AIG1: variants seen among roughly 807,000 people sequenced by gnomAD.
The protein encoded by AIG1 is androgen-induced gene 1 protein.
AIG1 carries 23 observed loss-of-function variants against 31.4 expected under a neutral mutation model. The ratio of observed to expected loss-of-function variants is 0.73; its 90% CI spans 0.53 to 1.04. The LOEUF (loss-of-function observed/expected upper bound fraction) is 1.04. AIG1 is among the 50% of genes least tolerant of loss of function. The pLI, the probability that AIG1 is intolerant of heterozygous loss-of-function variation, is 0.00. For missense variants in AIG1, 274 were observed against 295.0 expected (o/e 0.93, Z 0.52); for synonymous variants, 100 against 110.5 (o/e 0.90, Z 0.60).
intron 1 of AIG1, among the ~76,000 whole-genome samples, chr6:143,115,968 G>A (rs1404100818): frequency 6.6e-6 from 1 of 152,184 alleles, no homozygotes; most frequent in Non-Finnish European, 1.5e-5. Flanking sequence ...TTGACTTAGT[G>A]CACATCTAGC....
chr6:143,255,403 C>T (rs112814646), intron 3 of AIG1, among the ~76,000 whole-genome samples: 59 of 152,128 alleles, frequency 3.9e-4, no homozygotes, highest in Non-Finnish European at 7.8e-4. Context: ...TCTTGGCTGG[C>T]GGATGGTGTT....
intron 1 of AIG1, among the ~76,000 whole-genome samples, chr6:143,078,046 AT>A (rs1326016043): frequency 1.3e-5 from 2 of 151,952 alleles, no homozygotes; most frequent in Admixed American, 1.3e-4. Context: ...GGACTTGTTC[AT>A]TTTTTTCTGT....
At chr6:143,061,151 T>G in intron 1 of AIG1, 85 bp downstream of exon 1, 1 of 1,480,362 alleles carries the variant, frequency 6.8e-7, no homozygotes, top group Non-Finnish European at 9.4e-7. Context: ...TGTGTGTGGA[T>G]GCGCGAGCAC....
At chr6:143,204,690 C>A (rs1447393981) in intron 3 of AIG1, among the ~76,000 whole-genome samples, 1 of 152,080 alleles carries the variant, frequency 6.6e-6, no homozygotes, top group Non-Finnish European at 1.5e-5. Flanking sequence ...CCCATACAGA[C>A]AATTGATAGA....
At chr6:143,305,553 C>T (rs1489370683) in intron 4 of AIG1, among the ~76,000 whole-genome samples, 1 of 152,056 alleles carries the variant, frequency 6.6e-6, no homozygotes, top group African/African-American at 2.4e-5. Flanking sequence ...GTTTCTTAAT[C>T]CTGAGTTCTA....
intron 3 of AIG1, among the ~76,000 whole-genome samples, chr6:143,202,927 A>T (rs574951219): frequency 3.0e-4 from 45 of 152,292 alleles, no homozygotes; most frequent in Middle Eastern, 3.4e-3. Context: ...TAACCTGATG[A>T]GGGAACATCA....
At chr6:143,226,985 CTTTTTT>C (rs11431811) in intron 3 of AIG1, among the ~76,000 whole-genome samples, 1 of 113,622 alleles carries the variant, frequency 8.8e-6, no homozygotes, top group Admixed American at 8.8e-5. Flanking sequence ...GAGTTTTTGT[CTTTTTT>C]TTTTTTTTTT....
chr6:143,167,931 T>C (rs890097614), intron 3 of AIG1, among the ~76,000 whole-genome samples: 2 of 152,202 alleles, frequency 1.3e-5, no homozygotes, highest in African/African-American at 4.8e-5. Context: ...TGGTGGCTGA[T>C]GTGTATTTTG....
intron 1 of AIG1, among the ~76,000 whole-genome samples, chr6:143,093,079 C>T (rs1476587170): frequency 6.6e-6 from 1 of 151,984 alleles, no homozygotes; most frequent in African/African-American, 2.4e-5. Flanking sequence ...CATCCCTCCC[C>T]TCACAAAAAA....
chr6:143,231,664 T>C (rs971352405), intron 3 of AIG1, among the ~76,000 whole-genome samples: 1 of 152,210 alleles, frequency 6.6e-6, no homozygotes, highest in African/African-American at 2.4e-5. Context: ...ATTCAACAAA[T>C]ACTAAATGTT....
intron 1 of AIG1, among the ~76,000 whole-genome samples, chr6:143,132,589 G>C (rs1267900429): frequency 6.6e-6 from 1 of 151,452 alleles, no homozygotes; most frequent in East Asian, 1.9e-4. Context: ...TGAGCTTCTT[G>C]GATCTGTGGG....
chr6:143,211,435 C>T (rs909861026), intron 3 of AIG1, among the ~76,000 whole-genome samples: 1 of 152,156 alleles, frequency 6.6e-6, no homozygotes, highest in Non-Finnish European at 1.5e-5. Flanking sequence ...TGGGCTAACC[C>T]ATTTGCAGGA....
At chr6:143,322,895 A>T (rs1488047927) in intron 4 of AIG1, among the ~76,000 whole-genome samples, 1 of 152,172 alleles carries the variant, frequency 6.6e-6, no homozygotes, top group African/African-American at 2.4e-5. Flanking sequence ...AGTACAGAAA[A>T]ATATTATATA....
At chr6:143,215,201 T>C (rs1310207546) in intron 3 of AIG1, among the ~76,000 whole-genome samples, 1 of 152,102 alleles carries the variant, frequency 6.6e-6, no homozygotes, top group Non-Finnish European at 1.5e-5. Context: ...ATAAAATAAA[T>C]AGTATTTATG....
chr6:143,275,439 G>A (rs551612726), intron 3 of AIG1, among the ~76,000 whole-genome samples: 11 of 152,062 alleles, frequency 7.2e-5, no homozygotes, highest in Non-Finnish European at 1.6e-4. Flanking sequence ...ACCTATAGAG[G>A]AACGTCTGCT....
At chr6:143,127,096 T>A (rs778643453) in intron 1 of AIG1, among the ~76,000 whole-genome samples, 2 of 152,188 alleles carry the variant, frequency 1.3e-5, no homozygotes, top group Non-Finnish European at 2.9e-5. Flanking sequence ...GGATTACATA[T>A]AAATTTATTA....
rs1797847399 is a variant in AIG1, at chr6:143,288,523, G to A, written c.515+4298G>A. 6.6e-6 allele frequency among the ~76,000 whole-genome samples: 1 copy of A among 152,190 alleles called. No individual in the cohort carries two copies. The highest frequency in any genetic ancestry group is 6.5e-5 in the Admixed American group (1 of 15,282). On this transcript the variant is annotated intron_variant, in intron 4 of 5. Coordinates refer to ENST00000357847, the MANE Select transcript of AIG1 (RefSeq NM_016108.4). The surrounding 1 kb of genome is among the most constrained non-coding windows in gnomAD (Gnocchi z 4.4). ...AGTGTATTTAAAGCAAAATAGAGAT[G>A]TCTGTTGTCTCTGCACCCTAGTGGT...
intron 3 of AIG1, chr6:143,186,592 C>T (rs1054968317): frequency 1.3e-5 from 2 of 152,208 alleles, no homozygotes; most frequent in African/African-American, 4.8e-5. Context: ...AGTAAACATT[C>T]CTTCTGATAC....
chr6:143,285,892 C>G (rs1458682787), intron 4 of AIG1, among the ~76,000 whole-genome samples: 1 of 152,012 alleles, frequency 6.6e-6, no homozygotes. Context: ...AACTTATATT[C>G]AAATGAGTGT....
Sources: allele counts gnomAD v4.1 joint callset (sites outside exome capture counted in the v4.1 genomes callset), GRCh38; gene constraint gnomAD v4.1.1; non-coding constraint Gnocchi (gnomAD v3.1); transcripts MANE v1.5; gene names NCBI Gene and HGNC (gene_info 2026-07-23, HGNC 2026-07-21).